DNAH17: variants seen among roughly 807,000 people sequenced by gnomAD.
DNAH17 encodes dynein axonemal heavy chain 17.
DNAH17 carries 376 observed loss-of-function variants against 485.6 expected under a neutral mutation model. The ratio of observed to expected loss-of-function variants is 0.77; its 90% CI spans 0.71 to 0.84. DNAH17 has a LOEUF of 0.84. Ranked by LOEUF, DNAH17 falls within the 40% of genes least tolerant of loss-of-function variation. The probability of loss-of-function intolerance (pLI) is 0.00; values close to 1 mark genes in which losing one functional copy is unlikely to be tolerated. For missense variants in DNAH17, 6,370 were observed against 5,839.3 expected (o/e 1.09, Z -2.96); for synonymous variants, 3,031 against 2,405.9 (o/e 1.26, Z -7.60).
intron 16 of DNAH17, among the ~76,000 whole-genome samples, chr17:78,549,316 C>T (rs912101087): frequency 6.6e-6 from 1 of 152,130 alleles, no homozygotes; most frequent in Non-Finnish European, 1.5e-5. Flanking sequence ...ATCGAGAAGG[C>T]AGCCGTCTGC....
intron 80 of DNAH17, chr17:78,424,425 C>T: frequency 2.4e-6 from 1 of 422,316 alleles, no homozygotes; most frequent in Non-Finnish European, 4.3e-6. Context: ...AGAGCCTCAT[C>T]TGTCAGCCTT....
Position 78,454,527 on chromosome 17 carries a change from T to C in DNAH17, c.10349A>G (p.Lys3450Arg), listed in dbSNP as rs747587035. The C allele has an allele frequency of 2.5e-6, 4 of 1,613,372 alleles. No homozygotes were observed. The highest frequency in any genetic ancestry group is 2.2e-5 in the East Asian group (1 of 44,858). ...ACTCCTGTATTTGTTTTTGATCCAC[T>C]TGATTCCTTGGAGCTGGGCGTCCAC... Reference protein sequence around the residue: ...LIVDAQLQGIKWIKNKYRSEL... With the variant: ...LIVDAQLQGIRWIKNKYRSEL... Residue 3450 changes from lysine (K) to arginine (R), a missense_variant, in exon 64 of 81, where the codon AAG becomes AGG. Transcript: ENST00000389840.
In DNAH17 at chr17:78,507,596, C is replaced by T. The variant is rs59853990; in HGVS notation, c.4446G>A (p.Ala1482=). 49 of 1,613,928 alleles carry T rather than the reference C, an allele frequency of 3.0e-5. No individual in the cohort carries two copies. Among genetic ancestry groups the T allele is most frequent in the Middle Eastern group, 1.6e-4 (1 of 6,084 alleles). The stretch of plus-strand genomic sequence containing the variant: ...CAAACCAGATGGAGATGACGGAGTC[C>T]GCCGTGGACAGCTTCTGCTGCCAGC... ...VTSWQQKLST[A]DSVISIWFEV... is the part of the protein sequence containing the mutation. Residue 1482 remains alanine (A), a synonymous_variant, in exon 28 of 81, where the codon GCG becomes GCA. Coordinates refer to ENST00000389840, the MANE Select transcript of DNAH17 (RefSeq NM_173628.4).
At chr17:78,485,254 C>A in intron 47 of DNAH17, 1 of 650,008 alleles carries the variant, frequency 1.5e-6, no homozygotes, top group Non-Finnish European at 2.6e-6. Context: ...AGGAACCTTG[C>A]TCTCCGTCAC....
intron 25 of DNAH17, among the ~76,000 whole-genome samples, chr17:78,516,349 C>T (rs1259721502): frequency 6.6e-6 from 1 of 152,200 alleles, no homozygotes; most frequent in Non-Finnish European, 1.5e-5. Context: ...GCGTATATCC[C>T]ATTCTCTCAG....
chr17:78,525,012 A>G lies in DNAH17; in HGVS notation c.3861T>C (p.Val1287=). 1.9e-6 allele frequency: 3 copies of G among 1,612,464 alleles called. No homozygotes were observed. The highest frequency in any genetic ancestry group is 1.7e-6 in the Non-Finnish European group (2 of 1,178,940). Residue 1287 remains valine, a synonymous_variant, in exon 25 of 81, where the codon GTT becomes GTC. Transcript: ENST00000389840. The part of the protein sequence containing the change: ...RLLKELWDMV[V]VVNTSIEDWK... ...ACGCGGCGTGCCCTGCACTCACCACAACAACCATGTCCCAGAGCTCCTTCA... is the reference window on the plus strand; with the variant it reads ...ACGCGGCGTGCCCTGCACTCACCACGACAACCATGTCCCAGAGCTCCTTCA...
At chr17:78,533,402 G>A (rs886724991) in intron 19 of DNAH17, among the ~76,000 whole-genome samples, 2 of 152,210 alleles carry the variant, frequency 1.3e-5, no homozygotes, top group Non-Finnish European at 2.9e-5. Context: ...CAAGGAGCAA[G>A]AGAAGCGGCT....
In DNAH17 at chr17:78,450,738, C is replaced by T; in HGVS notation, c.10843G>A (p.Ala3615Thr). ...AASGNFLGDTALVENLETTKH... is the reference protein window; with the variant it reads ...AASGNFLGDTTLVENLETTKH... ...GTGGTCTCCAGATTCTCCACCAAGG[C>T]CGTGTCTCCCAGAAAGTTCCCCGAC... Residue 3615 changes from alanine (A) to threonine (T), a missense_variant, in exon 67 of 81, where the codon GCC (alanine) becomes ACC (threonine). Transcript: ENST00000389840. The T allele has an allele frequency of 6.2e-7, 1 of 1,614,020 alleles. No individual in the cohort carries two copies. Among genetic ancestry groups the T allele is most frequent in the Non-Finnish European group, 8.5e-7 (1 of 1,179,900 alleles).
intron 75 of DNAH17, among the ~76,000 whole-genome samples, chr17:78,430,322 T>C (rs1029930016): frequency 6.7e-6 from 1 of 148,252 alleles, no homozygotes; most frequent in Admixed American, 6.7e-5. Context: ...AAAAATAAGA[T>C]AATTGATTCT....
intron 14 of DNAH17, among the ~76,000 whole-genome samples, chr17:78,553,500 C>T (rs568427806): frequency 9.5e-4 from 145 of 151,988 alleles, no homozygotes; most frequent in African/African-American, 3.3e-3. Flanking sequence ...CAGGGTTTCA[C>T]TATGTTGGCC....
intron 56 of DNAH17, 125 bp downstream of exon 56, chr17:78,466,530 C>G (rs1005373177): frequency 2.0e-5 from 17 of 842,182 alleles, no homozygotes; most frequent in Non-Finnish European, 2.7e-5. Context: ...AACGTTGAGC[C>G]CAAGGCGGAC....
intron 11 of DNAH17, 129 bp downstream of exon 11, chr17:78,566,485 C>T (rs1015161948): frequency 6.6e-5 from 45 of 682,718 alleles, no homozygotes; most frequent in East Asian, 2.2e-4. Context: ...GCACAGGAGA[C>T]GGGCCCTCCC....
chr17:78,454,714 G>T lies in DNAH17; in HGVS notation c.10171-9C>A, dbSNP rs753078433. ...GTGATCGGGATGGGGACCTGCCCAG[G>T]GAGGCACACTTTCTTAGAGGGGGTA... is the stretch of plus-strand genomic sequence containing the variant. On this transcript the variant is annotated splice_polypyrimidine_tract_variant and intron_variant, in intron 63 of 80. Transcript: ENST00000389840. The T allele has an allele frequency of 2.5e-6, 4 of 1,607,476 alleles. No homozygotes were observed. In the African/African-American group the frequency reaches 4.0e-5, roughly 16 times the overall value.
At chr17:78,576,865 C>T (rs1050405496) in intron 1 of DNAH17, among the ~76,000 whole-genome samples, 2 of 152,234 alleles carry the variant, frequency 1.3e-5, no homozygotes, top group Non-Finnish European at 2.9e-5. Flanking sequence ...GGTCTCATCT[C>T]AGGCTCCCAC....
chr17:78,515,394 A>C (rs141555180), intron 25 of DNAH17, among the ~76,000 whole-genome samples: 10,925 of 152,262 alleles, frequency 0.072, 471 homozygotes, highest in South Asian at 0.13. Context: ...CTGTAATCCC[A>C]GCTACTTGGG....
Position 78,494,645 on chromosome 17 carries a change from T to TC in DNAH17, c.6217dup (p.Asp2073GlyfsTer17). 6.2e-7 allele frequency: 1 copy of TC among 1,613,770 alleles called. No individual in the cohort carries two copies. On this transcript the variant is annotated frameshift_variant, in exon 40 of 81. Transcript: ENST00000389840. LOFTEE classifies it high-confidence loss of function. ...AGGCACGTCCAGAGCCGGGAAGAGG[T>TC]CCCCGATCAGTCCCATGAATACGGG...
intron 41 of DNAH17, 100 bp downstream of exon 41, chr17:78,493,936 G>A: frequency 6.9e-7 from 1 of 1,457,398 alleles, no homozygotes; most frequent in South Asian, 1.4e-5. Context: ...ACTGGGTTGG[G>A]GTCTCCGGGG....
At chr17:78,455,330 ATT>A (rs5822259) in intron 63 of DNAH17, among the ~76,000 whole-genome samples, 5,855 of 145,576 alleles carry the variant, frequency 0.04, 146 homozygotes, top group Non-Finnish European at 0.064. Context: ...GTAGGACTCC[ATT>A]TTTTTTTTTT....
intron 44 of DNAH17, among the ~76,000 whole-genome samples, chr17:78,488,020 A>T (rs1469481864): frequency 1.3e-5 from 2 of 152,360 alleles, no homozygotes; most frequent in Non-Finnish European, 2.9e-5. Flanking sequence ...ACTGAATTCC[A>T]AGTCCAGTTG....
Sources: allele counts gnomAD v4.1 joint callset (sites outside exome capture counted in the v4.1 genomes callset), GRCh38; gene constraint gnomAD v4.1.1; transcripts MANE v1.5; gene names NCBI Gene and HGNC (gene_info 2026-07-23, HGNC 2026-07-21).